PTPRD: variants seen among roughly 807,000 people sequenced by gnomAD.
PTPRD encodes the protein receptor-type tyrosine-protein phosphatase delta.
PTPRD carries 34 observed loss-of-function variants against 214.5 expected under a neutral mutation model. The observed-to-expected ratio is 0.16, with a 90% confidence interval of 0.12 to 0.21. The LOEUF is 0.21. Ranked by LOEUF, PTPRD falls within the 10% of genes least tolerant of loss-of-function variation. PTPRD has a pLI of 1.00. For missense variants in PTPRD, 2,545 were observed against 2,398.7 expected (o/e 1.06, Z -1.27); for synonymous variants, 1,128 against 845.7 (o/e 1.33, Z -5.79).
intron 11 of PTPRD, among the ~76,000 whole-genome samples, chr9:8,842,971 C>A (rs531234557): frequency 6.6e-6 from 1 of 152,134 alleles, no homozygotes; most frequent in East Asian, 1.9e-4. Flanking sequence ...CAGTCTACAC[C>A]TGTTGACCCA....
At chr9:9,373,767 T>C (rs994316730) in intron 9 of PTPRD, among the ~76,000 whole-genome samples, 3 of 152,158 alleles carry the variant, frequency 2.0e-5, no homozygotes, top group South Asian at 2.1e-4. Flanking sequence ...GATTTGACTA[T>C]GCAGGGTGAA....
chr9:8,358,369 T>C (rs1252539203), intron 39 of PTPRD, among the ~76,000 whole-genome samples: 1 of 152,226 alleles, frequency 6.6e-6, no homozygotes, highest in Non-Finnish European at 1.5e-5. Flanking sequence ...CTGACTATTT[T>C]GTTTTCAATT....
At chr9:9,352,778 A>T (rs1284157540) in intron 9 of PTPRD, among the ~76,000 whole-genome samples, 2 of 151,956 alleles carry the variant, frequency 1.3e-5, no homozygotes, top group African/African-American at 2.4e-5. Context: ...AGTTGTAATA[A>T]TTTTAAATGT....
chr9:9,231,536 T>C (rs376882287), intron 9 of PTPRD, among the ~76,000 whole-genome samples: 1 of 152,166 alleles, frequency 6.6e-6, no homozygotes, highest in East Asian at 1.9e-4. Context: ...ACTATCTAAA[T>C]GCTACCCAGC....
At chr9:9,336,121 A>C (rs1374835039) in intron 9 of PTPRD, among the ~76,000 whole-genome samples, 4 of 151,522 alleles carry the variant, frequency 2.6e-5, no homozygotes, top group Non-Finnish European at 5.9e-5. Flanking sequence ...TATTACGGAG[A>C]AATGCAAAGA....
intron 3 of PTPRD, among the ~76,000 whole-genome samples, chr9:10,088,336 A>G (rs542567942): frequency 1.3e-3 from 204 of 151,906 alleles, no homozygotes; most frequent in African/African-American, 4.7e-3. Context: ...AAAGAACTGA[A>G]TATGCCTCTA....
intron 6 of PTPRD, among the ~76,000 whole-genome samples, chr9:9,753,859 C>T (rs1326479949): frequency 6.6e-6 from 1 of 151,996 alleles, no homozygotes; most frequent in Non-Finnish European, 1.5e-5. Flanking sequence ...CCTATCCTTA[C>T]ATTGAATCCA....
intron 14 of PTPRD, among the ~76,000 whole-genome samples, chr9:8,575,971 C>T (rs961574384): frequency 6.6e-6 from 1 of 152,158 alleles, no homozygotes; most frequent in African/African-American, 2.4e-5. Flanking sequence ...AGAGAAATAA[C>T]TTAGGTCAGT....
chr9:10,540,415 A>C (rs1381435489), intron 2 of PTPRD, among the ~76,000 whole-genome samples: 1 of 152,212 alleles, frequency 6.6e-6, no homozygotes, highest in African/African-American at 2.4e-5. Context: ...ATTAGTCTGA[A>C]TGTGCCTACC....
rs180849194 is a variant in PTPRD at position 9,761,777 on chromosome 9, C to A, written c.-326+5033G>T. Among the ~76,000 whole-genome samples the A allele has an allele frequency of 1.6e-4, 25 of 152,234 alleles. No individual in the cohort carries two copies. The East Asian group carries it at 3.3e-3, about 20-fold the overall frequency. On this transcript the variant is annotated intron_variant, in intron 6 of 45. Coordinates refer to ENST00000381196, the MANE Select transcript of PTPRD (RefSeq NM_002839.4). ...TTATCATTCCATCAAATTGTCTCCC[C>A]TTCCCCCCACTCTGTATTTCTACAT...
intron 12 of PTPRD, among the ~76,000 whole-genome samples, chr9:8,699,044 C>G (rs2098006103): frequency 6.6e-6 from 1 of 152,094 alleles, no homozygotes; most frequent in Non-Finnish European, 1.5e-5. Flanking sequence ...GGATGGATTT[C>G]TCATACCCTA....
chr9:8,320,793 G>A (rs982530740), intron 44 of PTPRD, among the ~76,000 whole-genome samples: 1 of 151,942 alleles, frequency 6.6e-6, no homozygotes, highest in Admixed American at 6.6e-5. Context: ...GAATCTTCAC[G>A]GTAGCAAGAA....
intron 11 of PTPRD, among the ~76,000 whole-genome samples, chr9:8,917,260 C>G (rs537601797): frequency 1.3e-5 from 2 of 150,244 alleles, no homozygotes; most frequent in African/African-American, 2.5e-5. Context: ...TCCCGAGTAG[C>G]TGGGATTACA....
chr9:9,763,561 A>G (rs1449574865), intron 6 of PTPRD, among the ~76,000 whole-genome samples: 1 of 152,122 alleles, frequency 6.6e-6, no homozygotes, highest in African/African-American at 2.4e-5. Flanking sequence ...TTTGTTTCCC[A>G]TTATCATGTT....
At chr9:9,054,254 G>A (rs556315318) in intron 10 of PTPRD, among the ~76,000 whole-genome samples, 2 of 152,210 alleles carry the variant, frequency 1.3e-5, no homozygotes, top group South Asian at 2.1e-4. Context: ...TCATCACCAC[G>A]AAGTTCTCAT....
intron 9 of PTPRD, among the ~76,000 whole-genome samples, chr9:9,342,183 A>G (rs2047060343): frequency 6.6e-6 from 1 of 152,190 alleles, no homozygotes; most frequent in Admixed American, 6.5e-5. Context: ...TTAATAATGA[A>G]AAGATTGACA....
intron 11 of PTPRD, among the ~76,000 whole-genome samples, chr9:8,769,262 C>G (rs1010546318): frequency 2.6e-5 from 4 of 152,268 alleles, no homozygotes; most frequent in African/African-American, 7.2e-5. Flanking sequence ...TCTTTATTTA[C>G]TCACTCACTA....
At chr9:10,061,411 A>G (rs540609742) in intron 3 of PTPRD, among the ~76,000 whole-genome samples, 2 of 152,222 alleles carry the variant, frequency 1.3e-5, no homozygotes, top group South Asian at 4.1e-4. Flanking sequence ...CTTAGCATTT[A>G]TACTGTTCTT....
chr9:9,629,748 C>T (rs1428183251), intron 7 of PTPRD, among the ~76,000 whole-genome samples: 1 of 152,112 alleles, frequency 6.6e-6, no homozygotes, highest in African/African-American at 2.4e-5. Flanking sequence ...AAGGAATAGG[C>T]TCTTTCCCTT....
Sources: gnomAD v4.1 joint callset for allele counts (sites outside exome capture counted in the v4.1 genomes callset) on GRCh38, gnomAD v4.1.1 for gene constraint, MANE v1.5 for transcripts, NCBI Gene and HGNC (gene_info 2026-07-23, HGNC 2026-07-21) for gene names.